ULK4: variants seen among roughly 807,000 people sequenced by gnomAD.
ULK4 encodes the protein inactive serine/threonine-protein kinase ULK4.
A neutral mutation model predicts 160.6 loss-of-function variants in ULK4; 133 were observed. The observed-to-expected ratio is 0.83, with a 90% CI of 0.72 to 0.96. The LOEUF (loss-of-function observed/expected upper bound fraction) is 0.96, where lower values mean the gene tolerates loss of function less well. Among genes scored for constraint, ULK4 ranks in the 40% least tolerant of loss-of-function variants. ULK4 has a pLI of 0.00. For missense variants in ULK4, 1,580 were observed against 1,499.5 expected (o/e 1.05, Z -0.89); for synonymous variants, 534 against 539.8 (o/e 0.99, Z 0.15).
At chr3:41,695,674 G>A (rs2125813769) in intron 27 of ULK4, among the ~76,000 whole-genome samples, 1 of 152,248 alleles carries the variant, frequency 6.6e-6, no homozygotes, top group Middle Eastern at 3.4e-3. Context: ...GCCATGTCCT[G>A]TGTGGGCGGC....
chr3:41,951,354 T>C (rs1373195319), intron 2 of ULK4, among the ~76,000 whole-genome samples: 2 of 148,034 alleles, frequency 1.4e-5, no homozygotes, highest in African/African-American at 2.5e-5. Context: ...CGAAAATTCA[T>C]ATAGAATCTC....
At chr3:41,642,625 T>C (rs1329956977) in intron 30 of ULK4, among the ~76,000 whole-genome samples, 1 of 152,220 alleles carries the variant, frequency 6.6e-6, no homozygotes, top group African/African-American at 2.4e-5. Flanking sequence ...GTCTTCGCTA[T>C]TGTGAACAGT....
chr3:41,755,977 A>T (rs1446397116), intron 21 of ULK4, among the ~76,000 whole-genome samples: 1 of 152,234 alleles, frequency 6.6e-6, no homozygotes, highest in African/African-American at 2.4e-5. Context: ...GCACACACAC[A>T]TGCACACAAA....
At chr3:41,433,865 G>A (rs557492809) in intron 34 of ULK4, among the ~76,000 whole-genome samples, 35 of 152,248 alleles carry the variant, frequency 2.3e-4, no homozygotes, top group African/African-American at 6.0e-4. Flanking sequence ...GACTACAGGC[G>A]CCCGCCACCA....
chr3:41,820,826 G>C (rs1380275149), intron 18 of ULK4, among the ~76,000 whole-genome samples: 2 of 152,142 alleles, frequency 1.3e-5, no homozygotes, highest in South Asian at 2.1e-4. Flanking sequence ...TAATCCAAAA[G>C]TATTTTACAC....
At chr3:41,574,309 C>G (rs2088106107) in intron 31 of ULK4, among the ~76,000 whole-genome samples, 1 of 152,152 alleles carries the variant, frequency 6.6e-6, no homozygotes, top group African/African-American at 2.4e-5. Flanking sequence ...AGCCACCAGC[C>G]ACAAACCTTA....
intron 18 of ULK4, among the ~76,000 whole-genome samples, chr3:41,822,637 T>G (rs2041182538): frequency 6.6e-6 from 1 of 150,694 alleles, no homozygotes; most frequent in South Asian, 2.1e-4. Context: ...CAGGCTCGTC[T>G]CAAACTCCTG....
intron 21 of ULK4, among the ~76,000 whole-genome samples, chr3:41,768,200 AT>A (rs1431251611): frequency 3.9e-5 from 6 of 152,172 alleles, no homozygotes; most frequent in Non-Finnish European, 5.9e-5. Flanking sequence ...GCTGGAAAAA[AT>A]TGCCTTTCAC....
chr3:41,683,131 T>C (rs1222064836), intron 27 of ULK4, among the ~76,000 whole-genome samples: 1 of 152,054 alleles, frequency 6.6e-6, no homozygotes, highest in South Asian at 2.1e-4. Context: ...ACTGATGCCA[T>C]ACCCGCTAAC....
At chr3:41,714,568 T>C (rs929745294) in intron 25 of ULK4, among the ~76,000 whole-genome samples, 2 of 152,192 alleles carry the variant, frequency 1.3e-5, no homozygotes, top group African/African-American at 4.8e-5. Flanking sequence ...CTGTAACTAC[T>C]ACTAGCAAGG....
At chr3:41,451,449 G>T (rs1373095688) in intron 34 of ULK4, among the ~76,000 whole-genome samples, 2 of 151,720 alleles carry the variant, frequency 1.3e-5, no homozygotes, top group East Asian at 3.9e-4. Context: ...CTAAAAATCA[G>T]ACATAATATG....
chr3:41,703,513 G>C (rs180939342), intron 27 of ULK4, among the ~76,000 whole-genome samples: 82 of 151,936 alleles, frequency 5.4e-4, no homozygotes, highest in Admixed American at 1.8e-3. Context: ...TGCTAACGCA[G>C]TATTTAAACC....
chr3:41,900,771 T>A lies in ULK4; in HGVS notation c.1241A>T (p.Tyr414Phe), dbSNP rs766167783. 1.2e-6 allele frequency: 2 copies of A among 1,613,842 alleles called. No homozygotes were observed. The highest frequency in any genetic ancestry group is 1.1e-5 in the South Asian group (1 of 91,060). The change falls in exon 13 of 37, where the codon TAC becomes TTC. Residue 414 changes from tyrosine (Y) to phenylalanine (F), a missense_variant. By Grantham distance (22) the Tyr-to-Phe change is conservative. Transcript: ENST00000301831. ...GGTGACAACAAGATCTGAGTCCGTG[T>A]AGATAAGCTCTCTCATCTGGGATTC... ...DLESQMRELIYTDSDLVVTPI... is the reference protein window; with the variant it reads ...DLESQMRELIFTDSDLVVTPI...
At chr3:41,372,080 A>C (rs2081380348) in intron 35 of ULK4, among the ~76,000 whole-genome samples, 1 of 151,988 alleles carries the variant, frequency 6.6e-6, no homozygotes, top group Non-Finnish European at 1.5e-5. Context: ...TAAAGTGTGA[A>C]GACAAGATTA....
chr3:41,819,475 C>T lies in ULK4; in HGVS notation c.1796G>A (p.Trp599Ter), dbSNP rs776341827. Residue 599 changes from tryptophan (W) to a stop codon, truncating the protein, a stop_gained, in exon 19 of 37, where the codon TGG becomes TAG. Transcript: ENST00000301831. LOFTEE classifies it high-confidence loss of function. ...TGTGTATGCAGCCAAGGGAACAGCC[C>T]AGCACTCTCTAGGGTTCTTTTTTTT... ...EEKKKNPREC[W>*]AVPLAAYTVL... 1.3e-5 allele frequency: 21 copies of T among 1,613,104 alleles called. No homozygotes were observed. The highest frequency in any genetic ancestry group is 1.7e-5 in the Admixed American group (1 of 59,862).
At chr3:41,689,620 A>G (rs2036215690) in intron 27 of ULK4, among the ~76,000 whole-genome samples, 1 of 152,222 alleles carries the variant, frequency 6.6e-6, no homozygotes, top group Non-Finnish European at 1.5e-5. Context: ...CCCATCAAAA[A>G]GTGGGCAAAG....
chr3:41,881,276 GA>G (rs1697505816), intron 17 of ULK4, among the ~76,000 whole-genome samples: 1 of 82,272 alleles, frequency 1.2e-5, no homozygotes, highest in Non-Finnish European at 2.1e-5. Context: ...TCCTGTAGCA[GA>G]AACTTCTAAA....
At chr3:41,724,028 T>A (rs1170526443) in intron 22 of ULK4, among the ~76,000 whole-genome samples, 1 of 152,214 alleles carries the variant, frequency 6.6e-6, no homozygotes, top group Non-Finnish European at 1.5e-5. Flanking sequence ...ACCAACACAC[T>A]GAGAACTTCT....
intron 29 of ULK4, among the ~76,000 whole-genome samples, chr3:41,664,691 TC>T (rs1423681400): frequency 6.6e-6 from 1 of 152,166 alleles, no homozygotes; most frequent in Non-Finnish European, 1.5e-5. Context: ...ACAGCCAAGT[TC>T]CTAGATGTCT....
Sources: gnomAD v4.1 joint callset for allele counts (sites outside exome capture counted in the v4.1 genomes callset) on GRCh38, gnomAD v4.1.1 for gene constraint, MANE v1.5 for transcripts, NCBI Gene and HGNC (gene_info 2026-07-23, HGNC 2026-07-21) for gene names.